The following ABCA1 variants were observed in gnomAD, a reference collection of about 807,000 sequenced individuals.
ABCA1 encodes phospholipid-transporting ATPase ABCA1.
A neutral mutation model predicts 262.5 loss-of-function variants in ABCA1; 133 were observed. The ratio of observed to expected loss-of-function variants is 0.51; its 90% confidence interval spans 0.44 to 0.59. ABCA1 has a LOEUF of 0.59. ABCA1 is among the 20% of genes least tolerant of loss of function. ABCA1 has a pLI of 0.00. For synonymous variants in ABCA1, 1,022 were observed against 1,043.5 expected (o/e 0.98, Z 0.40); for missense variants, 2,452 against 2,777.5 (o/e 0.88, Z 2.63).
chr9:104,820,083 G>A lies in ABCA1; in HGVS notation c.2961-14C>T, dbSNP rs780558326. 1.9e-6 allele frequency: 3 copies of A among 1,614,028 alleles called. No individual in the cohort carries two copies. The highest frequency in any genetic ancestry group is 2.7e-5 in the African/African-American group (2 of 74,920). On this transcript the variant is annotated splice_polypyrimidine_tract_variant and intron_variant, in intron 20 of 49. Transcript: ENST00000374736. ...TCGACAGTCAGCCTGGGGACAGGGAGGCAGGTCAGCTCTGGGCCCTACTGG... is the reference window on the plus strand; with the variant it reads ...TCGACAGTCAGCCTGGGGACAGGGAAGCAGGTCAGCTCTGGGCCCTACTGG...
intron 5 of ABCA1, among the ~76,000 whole-genome samples, chr9:104,871,100 G>A (rs1211421037): frequency 6.6e-6 from 1 of 152,204 alleles, no homozygotes; most frequent in African/African-American, 2.4e-5. Context: ...GCCTGACAAT[G>A]AGGACCCCTA....
intron 17 of ABCA1, among the ~76,000 whole-genome samples, chr9:104,824,795 C>T (rs998970199): frequency 6.6e-6 from 1 of 152,222 alleles, no homozygotes; most frequent in Non-Finnish European, 1.5e-5. Flanking sequence ...GGGGCAGGTG[C>T]CATCCCCATT....
At chr9:104,830,580 C>T (rs1378477451) in intron 14 of ABCA1, among the ~76,000 whole-genome samples, 1 of 151,938 alleles carries the variant, frequency 6.6e-6, no homozygotes, top group Non-Finnish European at 1.5e-5. Flanking sequence ...GTCCCAGCTA[C>T]TGTGGAGGCT....
intron 7 of ABCA1, among the ~76,000 whole-genome samples, chr9:104,848,023 T>C (rs1000620546): frequency 6.6e-6 from 1 of 152,224 alleles, no homozygotes; most frequent in African/African-American, 2.4e-5. Flanking sequence ...ATGGTAGGTA[T>C]GTGTATACTT....
At chr9:104,799,527 C>T in intron 36 of ABCA1, 1 of 981,152 alleles carries the variant, frequency 1.0e-6, no homozygotes, top group Non-Finnish European at 1.2e-6. Context: ...ACTGATTAAA[C>T]ACTTATAATT....
chr9:104,850,630 G>A lies in ABCA1; in HGVS notation c.721-5061C>T, dbSNP rs537463525. Among the ~76,000 whole-genome samples, 7 of 152,342 alleles carry A rather than the reference G, an allele frequency of 4.6e-5. No homozygotes were observed. In the South Asian group the frequency reaches 8.3e-4, roughly 18 times the overall value. On this transcript the variant is annotated intron_variant, in intron 7 of 49. Transcript: ENST00000374736. ...AAATTAACCCCAGGAAAGAATTCATGCCTTGAAACTAGAACACAAAATACG... is the reference window on the plus strand; with the variant it reads ...AAATTAACCCCAGGAAAGAATTCATACCTTGAAACTAGAACACAAAATACG...
chr9:104,855,196 A>G (rs1835733768), intron 7 of ABCA1: 1 of 982,838 alleles, frequency 1.0e-6, no homozygotes, highest in Non-Finnish European at 1.2e-6. Flanking sequence ...GAAAACTTCT[A>G]TCTTTTTTTT....
intron 19 of ABCA1, among the ~76,000 whole-genome samples, chr9:104,822,136 C>A (rs144303660): frequency 1.2e-3 from 188 of 152,242 alleles, no homozygotes; most frequent in African/African-American, 4.0e-3. Flanking sequence ...AGCTTGATTG[C>A]GTCTCACAGG....
rs12684473 is a variant in ABCA1, at chr9:104,913,119, T to C, written c.-92-9348A>G. On this transcript the variant is annotated intron_variant, in intron 1 of 49. Coordinates refer to ENST00000374736, the MANE Select transcript of ABCA1 (RefSeq NM_005502.4). ...TCAGATGTTCAACCTTCTCCCAACC[T>C]GAAGGATTTATATTTATGAAAGTGC... is the stretch of plus-strand genomic sequence containing the variant. 2.9e-3 allele frequency among the ~76,000 whole-genome samples: 449 copies of C among 152,326 alleles called. 3 individuals carry two copies. The highest frequency in any genetic ancestry group is 0.019 in the South Asian group (93 of 4,832).
intron 7 of ABCA1, among the ~76,000 whole-genome samples, chr9:104,854,212 T>G (rs1300615044): frequency 2.0e-5 from 3 of 152,100 alleles, no homozygotes; most frequent in Non-Finnish European, 4.4e-5. Context: ...AGCAAGGAAA[T>G]GGACTTCAGT....
At chr9:104,857,436 T>C (rs1440812209) in intron 7 of ABCA1, among the ~76,000 whole-genome samples, 1 of 152,134 alleles carries the variant, frequency 6.6e-6, no homozygotes, top group Non-Finnish European at 1.5e-5. Context: ...TTCACCATGT[T>C]GGCCAGGCTG....
At chr9:104,917,295 GCT>G (rs1841902560) in intron 1 of ABCA1, among the ~76,000 whole-genome samples, 1 of 152,206 alleles carries the variant, frequency 6.6e-6, no homozygotes, top group Non-Finnish European at 1.5e-5. Context: ...TAATAGGCAA[GCT>G]CAGTATTTCC....
At position 104,892,880 on chromosome 9, in the gene ABCA1, CAACTT is replaced by C. The variant is rs375591951; in HGVS notation, c.67-3690_67-3686del. The stretch of plus-strand genomic sequence containing the variant: ...CATTATAATTGCAAAATATTGGAAA[CAACTT>C]AATTGCATAGCAATAGGGAAATGAT... On this transcript the variant is annotated intron_variant, in intron 2 of 49. Coordinates refer to ENST00000374736, the MANE Select transcript of ABCA1 (RefSeq NM_005502.4). Among the ~76,000 whole-genome samples, 197 of 152,186 alleles carry C rather than the reference CAACTT, an allele frequency of 1.3e-3. 1 individual carries two copies. Among genetic ancestry groups the C allele is most frequent in the East Asian group, 0.012 (60 of 5,182 alleles).
In ABCA1 at chr9:104,797,440, G is replaced by A. The variant is rs192235996; in HGVS notation, c.5121+981C>T. Among the ~76,000 whole-genome samples, 5 of 152,312 alleles carry A rather than the reference G, an allele frequency of 3.3e-5. No homozygotes were observed. The East Asian group carries it at 9.6e-4, about 29-fold the overall frequency. On this transcript the variant is annotated intron_variant, in intron 37 of 49. Coordinates refer to ENST00000374736, the MANE Select transcript of ABCA1 (RefSeq NM_005502.4). The stretch of plus-strand genomic sequence containing the variant: ...TTACCACTAAGTTGCCAGTAAGACG[G>A]TGCTCCTTCCAAAATGCAAAATCTT...
chr9:104,852,645 C>T (rs1361888904), intron 7 of ABCA1, among the ~76,000 whole-genome samples: 1 of 152,092 alleles, frequency 6.6e-6, no homozygotes, highest in Non-Finnish European at 1.5e-5. Context: ...CTCTTCTTTT[C>T]CCATAAGAAT....
chr9:104,808,841 TG>T (rs1335614752), intron 30 of ABCA1, among the ~76,000 whole-genome samples: 1 of 152,184 alleles, frequency 6.6e-6, no homozygotes, highest in Non-Finnish European at 1.5e-5. Context: ...CTACCAGCCT[TG>T]AGCACGGCCT....
chr9:104,856,045 ACAGTTAACTGCC>A (rs1421726068), intron 7 of ABCA1: 50 of 1,612,070 alleles, frequency 3.1e-5, no homozygotes, highest in Non-Finnish European at 4.1e-5. Flanking sequence ...ACTTCTTGGC[ACAGTTAACTGCC>A]CATGTGCAAT....
chr9:104,787,892 A>G (rs762048296), intron 46 of ABCA1, 28 bp downstream of exon 46: 3 of 1,613,856 alleles, frequency 1.9e-6, no homozygotes, highest in Non-Finnish European at 2.5e-6. Context: ...GGCCAGAACA[A>G]CAGTTTTCCA....
At chr9:104,840,901 C>T (rs959045686) in intron 8 of ABCA1, among the ~76,000 whole-genome samples, 4 of 151,514 alleles carry the variant, frequency 2.6e-5, no homozygotes, top group Admixed American at 6.6e-5. Context: ...TTCGTTTCAC[C>T]GGGATTATCT....
Sources: allele counts gnomAD v4.1 joint callset (sites outside exome capture counted in the v4.1 genomes callset), GRCh38; gene constraint gnomAD v4.1.1; transcripts MANE v1.5; gene names NCBI Gene and HGNC (gene_info 2026-07-23, HGNC 2026-07-21).